KAT6A: variants seen among roughly 807,000 people sequenced by gnomAD.
KAT6A encodes histone acetyltransferase KAT6A.
A neutral mutation model predicts 198.4 loss-of-function variants in KAT6A; 9 were observed. The ratio of observed to expected loss-of-function variants is 0.05; its 90% CI spans 0.03 to 0.08. KAT6A has a LOEUF of 0.08. Among genes scored for constraint, KAT6A ranks in the 10% least tolerant of loss-of-function variants. KAT6A has a pLI of 1.00. For missense variants in KAT6A, 2,077 were observed against 2,509.9 expected (o/e 0.83, Z 3.69); for synonymous variants, 890 against 883.0 (o/e 1.01, Z -0.14).
At chr8:41,983,543 T>A (rs369113574) in intron 3 of KAT6A, among the ~76,000 whole-genome samples, 2 of 152,258 alleles carry the variant, frequency 1.3e-5, no homozygotes, top group African/African-American at 4.8e-5. Flanking sequence ...ATAACCTGCA[T>A]GAACATTTCC....
chr8:41,997,995 A>G (rs900137873), intron 2 of KAT6A, among the ~76,000 whole-genome samples: 3 of 152,178 alleles, frequency 2.0e-5, no homozygotes, highest in African/African-American at 7.2e-5. Flanking sequence ...GGAAACCAAA[A>G]TGATGCTCAA....
intron 16 of KAT6A, 83 bp from the exon 17 acceptor site, chr8:41,934,950 T>C (rs929575428): frequency 1.9e-6 from 2 of 1,057,206 alleles, no homozygotes; most frequent in African/African-American, 3.2e-5. Flanking sequence ...GCATATACAA[T>C]AGAAATGACT....
At chr8:42,047,342 T>C (rs556402243) in intron 2 of KAT6A, among the ~76,000 whole-genome samples, 5 of 152,318 alleles carry the variant, frequency 3.3e-5, no homozygotes, top group African/African-American at 4.8e-5. Context: ...ATTTCAACTA[T>C]ATACAATAAC....
At chr8:42,039,365 A>G (rs1297870973) in intron 2 of KAT6A, among the ~76,000 whole-genome samples, 4 of 152,258 alleles carry the variant, frequency 2.6e-5, no homozygotes, top group African/African-American at 9.6e-5. Context: ...TTCTATTTAA[A>G]CCAGCAAACT....
At chr8:42,005,316 AAT>A (rs1825685177) in intron 2 of KAT6A, among the ~76,000 whole-genome samples, 1 of 152,222 alleles carries the variant, frequency 6.6e-6, no homozygotes, top group South Asian at 2.1e-4. Flanking sequence ...TTCTGACTTA[AAT>A]ATATTTCATC....
At position 41,981,920 on chromosome 8, in the gene KAT6A, T is replaced by C. The variant is rs1303432723; in HGVS notation, c.744A>G (p.Leu248=). The change falls in exon 4 of 17, where the codon CTA becomes CTG. Residue 248 remains leucine (L), a synonymous_variant. Transcript: ENST00000265713. Reference sequence around the variant, plus strand: ...ACCGTAAGGCCTTCACTCGAACCGTTAGTTCAGGGGAAAACTTTAAACAGG... The same window carrying C: ...ACCGTAAGGCCTTCACTCGAACCGTCAGTTCAGGGGAAAACTTTAAACAGG... ...HPSCLKFSPE[L]TVRVKALRWQ... The C allele has an allele frequency of 1.2e-6, 2 of 1,613,834 alleles. No homozygotes were observed. The highest frequency in any genetic ancestry group is 1.7e-4 in the Middle Eastern group (1 of 6,060).
At chr8:42,005,624 G>C (rs1391083001) in intron 2 of KAT6A, among the ~76,000 whole-genome samples, 3 of 152,204 alleles carry the variant, frequency 2.0e-5, no homozygotes, top group African/African-American at 7.2e-5. Flanking sequence ...ACCAGATCCA[G>C]AGAGGGAGTG....
At chr8:42,043,922 ATAAC>A (rs34850814) in intron 2 of KAT6A, among the ~76,000 whole-genome samples, 8,617 of 152,204 alleles carry the variant, frequency 0.057, 322 homozygotes, top group Non-Finnish European at 0.085. Context: ...TATGTTATTA[ATAAC>A]TAACTAACCT....
At chr8:42,047,250 T>C (rs1423138035) in intron 2 of KAT6A, among the ~76,000 whole-genome samples, 1 of 152,190 alleles carries the variant, frequency 6.6e-6, no homozygotes, top group Non-Finnish European at 1.5e-5. Flanking sequence ...ACTAGGTCAA[T>C]GTAAAAAACA....
At chr8:41,974,584 C>T (rs1411004631) in intron 8 of KAT6A, 120 bp downstream of exon 8, 4 of 645,492 alleles carry the variant, frequency 6.2e-6, no homozygotes, top group African/African-American at 1.8e-5. Flanking sequence ...TACACACAAA[C>T]CACAACTATT....
At chr8:41,937,721 T>C (rs1404809730) in intron 15 of KAT6A, among the ~76,000 whole-genome samples, 153 bp from the exon 16 acceptor site, 8 of 152,186 alleles carry the variant, frequency 5.3e-5, no homozygotes, top group Non-Finnish European at 8.8e-5. Flanking sequence ...CAAAATACTA[T>C]AGTAAGATAA....
chr8:42,001,964 T>C (rs2150903132), intron 2 of KAT6A, among the ~76,000 whole-genome samples: 1 of 152,350 alleles, frequency 6.6e-6, no homozygotes, highest in South Asian at 2.1e-4. Flanking sequence ...ACCCCAATTA[T>C]AAAATCGTAA....
intron 2 of KAT6A, among the ~76,000 whole-genome samples, chr8:42,041,451 C>T (rs1827662799): frequency 6.6e-6 from 1 of 152,020 alleles, no homozygotes; most frequent in African/African-American, 2.4e-5. Context: ...AAATGTACGG[C>T]ATGGGCCGGG....
intron 1 of KAT6A, among the ~76,000 whole-genome samples, chr8:42,051,256 C>G (rs1445079531): frequency 1.3e-5 from 2 of 151,912 alleles, no homozygotes; most frequent in East Asian, 3.9e-4. Flanking sequence ...CCGGCCTCCC[C>G]TCGGCGGCTG....
chr8:41,958,935 G>A (rs1163045982), intron 8 of KAT6A, among the ~76,000 whole-genome samples: 2 of 151,924 alleles, frequency 1.3e-5, no homozygotes, highest in African/African-American at 4.8e-5. Context: ...TGAGGTGGGC[G>A]GATCACGAGG....
chr8:42,050,027 C>A (rs531647324), intron 1 of KAT6A, among the ~76,000 whole-genome samples: 3 of 151,758 alleles, frequency 2.0e-5, no homozygotes, highest in African/African-American at 7.2e-5. Context: ...TATTCATATG[C>A]TGAAGAGAGT....
chr8:41,985,280 G>C (rs867477346), intron 3 of KAT6A, among the ~76,000 whole-genome samples: 1 of 152,116 alleles, frequency 6.6e-6, no homozygotes, highest in African/African-American at 2.4e-5. Context: ...TCCATCCAGA[G>C]TTCATTCTGG....
At chr8:41,998,979 T>C (rs1194995653) in intron 2 of KAT6A, among the ~76,000 whole-genome samples, 3 of 152,212 alleles carry the variant, frequency 2.0e-5, no homozygotes, top group Non-Finnish European at 4.4e-5. Context: ...GGATGCTAAA[T>C]TGAATTCATT....
chr8:42,020,608 T>C (rs563517850), intron 2 of KAT6A, among the ~76,000 whole-genome samples: 6 of 152,286 alleles, frequency 3.9e-5, no homozygotes, highest in Admixed American at 3.3e-4. Flanking sequence ...ATCTGCTGAA[T>C]GAATGTCTGA....
Sources: gnomAD v4.1 joint callset for allele counts (sites outside exome capture counted in the v4.1 genomes callset) on GRCh38, gnomAD v4.1.1 for gene constraint, MANE v1.5 for transcripts, NCBI Gene and HGNC (gene_info 2026-07-23, HGNC 2026-07-21) for gene names.